Variants in ACADS observed in about 807,000 individuals in gnomAD.
The protein encoded by ACADS is short-chain specific acyl-CoA dehydrogenase, mitochondrial.
A neutral mutation model predicts 46.8 loss-of-function variants in ACADS; 28 were observed. The observed-to-expected ratio is 0.60, with a 90% CI of 0.44 to 0.82. ACADS has a LOEUF of 0.82. Ranked by LOEUF, ACADS falls within the 40% of genes least tolerant of loss-of-function variation. The pLI, the probability that ACADS is intolerant of heterozygous loss-of-function variation, is 0.00. For synonymous variants in ACADS, 236 were observed against 237.7 expected (o/e 0.99, Z 0.07); for missense variants, 528 against 578.0 (o/e 0.91, Z 0.89).
Position 120,737,155 on chromosome 12 carries a change from C to T in ACADS, c.360+20C>T, listed in dbSNP as rs1227302683. On this transcript the variant is annotated intron_variant, in intron 3 of 9. Coordinates refer to ENST00000242592, the MANE Select transcript of ACADS (RefSeq NM_000017.4). ...AACAACGTGAGCCCCCTCCCAGGCCCCTGGGACACACGGGTGGAGGGAGGC... is the reference window on the plus strand; with the variant it reads ...AACAACGTGAGCCCCCTCCCAGGCCTCTGGGACACACGGGTGGAGGGAGGC... The T allele has an allele frequency of 2.2e-5, 34 of 1,566,882 alleles. No homozygotes were observed. The highest frequency in any genetic ancestry group is 2.8e-5 in the Non-Finnish European group (32 of 1,154,972).
At chr12:120,735,360 A>C (rs1305440090) in intron 2 of ACADS, among the ~76,000 whole-genome samples, 10 of 149,306 alleles carry the variant, frequency 6.7e-5, no homozygotes, top group East Asian at 2.0e-4. Flanking sequence ...AAAAAAAAAA[A>C]AAAAAAAAAA....
At position 120,738,857 on chromosome 12, in the gene ACADS, C is replaced by T. The variant is rs771241888; in HGVS notation, c.971C>T (p.Ala324Val). Residue 324 changes from alanine (A) to valine (V), a missense_variant, in exon 8 of 10, where the codon GCC (alanine) becomes GTC (valine). Coordinates refer to ENST00000242592, the MANE Select transcript of ACADS (RefSeq NM_000017.4). ...GACATGGCCCTGGCCCTGGAGAGTG[C>T]CCGGCTGCTGACCTGGCGCGCTGCC... The part of the protein sequence containing the change: ...LADMALALES[A>V]RLLTWRAAML... 1.2e-6 allele frequency: 2 copies of T among 1,613,562 alleles called. No individual in the cohort carries two copies. Among genetic ancestry groups the T allele is most frequent in the Non-Finnish European group, 1.7e-6 (2 of 1,179,814 alleles).
intron 4 of ACADS, 151 bp downstream of exon 4, chr12:120,737,618 GGGA>G: frequency 9.5e-7 from 1 of 1,053,366 alleles, no homozygotes; most frequent in East Asian, 2.6e-5. Flanking sequence ...CCGCGGCGCT[GGGA>G]GGAAGATTGC....
intron 2 of ACADS, among the ~76,000 whole-genome samples, chr12:120,730,022 C>A (rs905411460): frequency 1.3e-5 from 2 of 151,990 alleles, no homozygotes; most frequent in African/African-American, 2.4e-5. Flanking sequence ...CTCGCTCTGT[C>A]CCCAGGCTGG....
At chr12:120,730,640 C>T (rs759168287) in intron 2 of ACADS, among the ~76,000 whole-genome samples, 5 of 152,148 alleles carry the variant, frequency 3.3e-5, no homozygotes, top group East Asian at 1.9e-4. Flanking sequence ...AGGAACTGAA[C>T]GCACCTAGGA....
At chr12:120,735,348 T>TAAAAAAA (rs756263687) in intron 2 of ACADS, among the ~76,000 whole-genome samples, 1 of 72,244 alleles carries the variant, frequency 1.4e-5, no homozygotes, top group Non-Finnish European at 2.6e-5. Context: ...GCGCAGTCCT[T>TAAAAAAA]AAAAAAAAAA....
At position 120,731,357 on chromosome 12, in the gene ACADS, T is replaced by G. The variant is rs374546501; in HGVS notation, c.210+4168T>G. ...ATTTGAACGCCTGGGCTCAAGTGAT[T>G]CTCCTGCCTCAACCTCCTCCTGAGT... On this transcript the variant is annotated intron_variant, in intron 2 of 9. Coordinates refer to ENST00000242592, the MANE Select transcript of ACADS (RefSeq NM_000017.4). Among the ~76,000 whole-genome samples the G allele has an allele frequency of 4.6e-5, 7 of 152,214 alleles. No homozygotes were observed. In the South Asian group the frequency reaches 1.5e-3, roughly 32 times the overall value.
chr12:120,731,571 C>A (rs1883248110), intron 2 of ACADS, among the ~76,000 whole-genome samples: 1 of 151,838 alleles, frequency 6.6e-6, no homozygotes, highest in African/African-American at 2.4e-5. Flanking sequence ...TCTCCTGTCT[C>A]AGCCTCCCAA....
At position 120,731,458 on chromosome 12, in the gene ACADS, T is replaced by C. The variant is rs1427764435; in HGVS notation, c.210+4269T>C. Among the ~76,000 whole-genome samples, 12 of 145,178 alleles carry C rather than the reference T, an allele frequency of 8.3e-5. No individual in the cohort carries two copies. In the South Asian group the frequency reaches 8.7e-4, roughly 11 times the overall value. On this transcript the variant is annotated intron_variant, in intron 2 of 9. Transcript: ENST00000242592. ...AGAGGTGTTCCTTAATAAAATAGTT[T>C]TTTTTTTTTTTTTTGAGGCGGAGTC...
chr12:120,732,221 G>A (rs1375154625), intron 2 of ACADS, among the ~76,000 whole-genome samples: 7 of 151,534 alleles, frequency 4.6e-5, no homozygotes, highest in Admixed American at 4.6e-4. Flanking sequence ...GCCGGGCAGA[G>A]GCGCCCCTCA....
intron 2 of ACADS, among the ~76,000 whole-genome samples, chr12:120,734,356 C>T (rs563489437): frequency 2.0e-4 from 30 of 152,330 alleles, no homozygotes; most frequent in African/African-American, 7.2e-4. Flanking sequence ...ACAGCATCTG[C>T]CTGGGGGCCG....
intron 2 of ACADS, among the ~76,000 whole-genome samples, chr12:120,735,348 TAAAAAAAAAAAAAAAAA>T (rs756263687): frequency 1.4e-5 from 1 of 72,244 alleles, no homozygotes; most frequent in African/African-American, 5.5e-5. Flanking sequence ...GCGCAGTCCT[TAAAAAAAAAAAAAAAAA>T]AAAAAAAAAC....
chr12:120,731,951 G>C (rs887845823), intron 2 of ACADS, among the ~76,000 whole-genome samples: 26 of 152,182 alleles, frequency 1.7e-4, no homozygotes, highest in Admixed American at 1.6e-3. Flanking sequence ...CACAGGGTTG[G>C]GGGTAAGGTC....
Position 120,729,230 on chromosome 12 carries a change from C to G in ACADS, c.210+2041C>G, listed in dbSNP as rs572949134. On this transcript the variant is annotated intron_variant, in intron 2 of 9. Coordinates refer to ENST00000242592, the MANE Select transcript of ACADS (RefSeq NM_000017.4). ...TGGACAAACCCGAACCCATTTTTTT[C>G]CCTTGACTGCTTCTCTTTTTCTTTT... Among the ~76,000 whole-genome samples, 13 of 151,628 alleles carry G rather than the reference C, an allele frequency of 8.6e-5. No individual in the cohort carries two copies. The South Asian group carries it at 2.1e-3, about 25-fold the overall frequency.
intron 2 of ACADS, among the ~76,000 whole-genome samples, chr12:120,732,329 C>T (rs1447006383): frequency 5.3e-5 from 8 of 151,782 alleles, no homozygotes; most frequent in African/African-American, 1.2e-4. Flanking sequence ...ACCTCCCTCC[C>T]GGACGGGGTG....
chr12:120,727,856 C>T (rs568432237), intron 2 of ACADS, among the ~76,000 whole-genome samples: 87 of 151,892 alleles, frequency 5.7e-4, no homozygotes, highest in Non-Finnish European at 1.1e-3. Context: ...TTATTATATA[C>T]CCCATGGACT....
rs1253704571 is a variant in ACADS at position 120,735,289 on chromosome 12, A to G, written c.211-1697A>G. Among the ~76,000 whole-genome samples, 200 of 143,070 alleles carry G rather than the reference A, an allele frequency of 1.4e-3. 1 individual carries two copies. The highest frequency in any genetic ancestry group is 5.2e-3 in the African/African-American group (189 of 36,022). The allele number at this position is 143,070 out of a possible 152,430, so 93.9% of individuals were successfully genotyped here. On this transcript the variant is annotated intron_variant, in intron 2 of 9. Transcript: ENST00000242592. ...TCTGTTTCAAAAAAAAAAAAAAAAAAGAAAAAAGAAACAAACAAAGTGCTG... is the reference window on the plus strand; with the variant it reads ...TCTGTTTCAAAAAAAAAAAAAAAAAGGAAAAAAGAAACAAACAAAGTGCTG...
Position 120,725,916 on chromosome 12 carries a change from G to T in ACADS, c.31G>T (p.Gly11Cys). MAAALLARASGPARRALCPRA... is the reference protein window; with the variant it reads MAAALLARASCPARRALCPRA... ...CGCCGCGCTGCTCGCCCGGGCCTCG[G>T]GCCCTGCCCGCAGAGGTGAGTGCGC... The change falls in exon 1 of 10, where the codon GGC (glycine) becomes TGC (cysteine). Residue 11 changes from glycine to cysteine, a missense_variant. Gly to Cys is a radical substitution (Grantham distance 159). Coordinates refer to ENST00000242592, the MANE Select transcript of ACADS (RefSeq NM_000017.4). 6.4e-7 allele frequency: 1 copy of T among 1,555,856 alleles called. No individual in the cohort carries two copies. Among genetic ancestry groups the T allele is most frequent in the Non-Finnish European group, 8.6e-7 (1 of 1,160,306 alleles).
Position 120,728,236 on chromosome 12 carries a change from C to T in ACADS, c.210+1047C>T, listed in dbSNP as rs1188616413. 2.0e-5 allele frequency among the ~76,000 whole-genome samples: 3 copies of T among 152,178 alleles called. No individual in the cohort carries two copies. The highest frequency in any genetic ancestry group is 2.9e-5 in the Non-Finnish European group (2 of 68,040). Reference sequence around the variant, plus strand: ...TGCTGGGATTACAGGCGTGAGCCACCGTGCCCGGCCTGCTTGAACTGTTTT... The same window carrying T: ...TGCTGGGATTACAGGCGTGAGCCACTGTGCCCGGCCTGCTTGAACTGTTTT... On this transcript the variant is annotated intron_variant, in intron 2 of 9. Transcript: ENST00000242592. This position sits in a 1 kb window ranked among gnomAD's most constrained non-coding sequence, Gnocchi z 4.0.
Sources: gnomAD v4.1 joint callset for allele counts (sites outside exome capture counted in the v4.1 genomes callset) on GRCh38, gnomAD v4.1.1 for gene constraint, Gnocchi (gnomAD v3.1) non-coding constraint, MANE v1.5 for transcripts, NCBI Gene and HGNC (gene_info 2026-07-23, HGNC 2026-07-21) for gene names.